OPCML: variants seen among roughly 807,000 people sequenced by gnomAD.
OPCML encodes opioid binding protein/cell adhesion molecule like, also known as opioid-binding protein/cell adhesion molecule.
In OPCML, 13 loss-of-function variants were observed where a neutral mutation model predicts 37.8. The ratio of observed to expected loss-of-function variants is 0.34; its 90% confidence interval spans 0.22 to 0.55. The LOEUF (loss-of-function observed/expected upper bound fraction) is 0.55. Ranked by LOEUF, OPCML falls within the 20% of genes least tolerant of loss-of-function variation. The probability of loss-of-function intolerance (pLI) is 0.91; values close to 1 mark genes in which losing one functional copy is unlikely to be tolerated. For missense variants in OPCML, 341 were observed against 435.6 expected (o/e 0.78, Z 1.93); for synonymous variants, 176 against 168.8 (o/e 1.04, Z -0.33).
intron 1 of OPCML, among the ~76,000 whole-genome samples, chr11:133,180,513 G>T (rs1937772878): frequency 6.6e-6 from 1 of 152,160 alleles, no homozygotes; most frequent in Admixed American, 6.5e-5. Context: ...AGAGGGGCAA[G>T]AGGATCTGCA....
intron 1 of OPCML, among the ~76,000 whole-genome samples, chr11:133,213,966 T>A (rs1281295465): frequency 3.3e-5 from 5 of 152,186 alleles, no homozygotes; most frequent in Non-Finnish European, 4.4e-5. Context: ...TGATTTTGAT[T>A]TTTAGATCAT....
intron 1 of OPCML, among the ~76,000 whole-genome samples, chr11:133,276,820 C>T (rs1942008592): frequency 6.6e-6 from 1 of 152,136 alleles, no homozygotes; most frequent in Non-Finnish European, 1.5e-5. Context: ...TCCAACCCTT[C>T]CCCAACGACT....
chr11:133,471,328 C>A (rs916744314), intron 1 of OPCML, among the ~76,000 whole-genome samples: 38 of 152,176 alleles, frequency 2.5e-4, no homozygotes, highest in Middle Eastern at 3.4e-3. Context: ...AGTGAAGAAG[C>A]CTTTATATAC....
intron 1 of OPCML, among the ~76,000 whole-genome samples, chr11:133,303,726 TA>T (rs1379733681): frequency 6.6e-6 from 1 of 151,916 alleles, no homozygotes; most frequent in African/African-American, 2.4e-5. Context: ...CACAAATTAA[TA>T]ATGAGAGAGC....
intron 1 of OPCML, among the ~76,000 whole-genome samples, chr11:133,192,776 G>C (rs758968336): frequency 6.6e-6 from 1 of 152,152 alleles, no homozygotes; most frequent in South Asian, 2.1e-4. Flanking sequence ...CTGTGCAAAA[G>C]GCTAAATTCA....
chr11:132,533,404 G>T (rs949269380), intron 3 of OPCML, among the ~76,000 whole-genome samples: 7 of 152,166 alleles, frequency 4.6e-5, no homozygotes, highest in Non-Finnish European at 5.9e-5. Context: ...CAGAGGTTGG[G>T]TAAGTAGGTG....
intron 1 of OPCML, among the ~76,000 whole-genome samples, chr11:133,196,903 C>T (rs1174277486): frequency 3.3e-5 from 5 of 152,150 alleles, no homozygotes; most frequent in African/African-American, 4.8e-5. Context: ...TGGAAGCAGG[C>T]GCAATTCTGT....
At chr11:133,104,888 T>C (rs868458402) in intron 1 of OPCML, among the ~76,000 whole-genome samples, 70 of 145,044 alleles carry the variant, frequency 4.8e-4, no homozygotes, top group African/African-American at 1.9e-3. Context: ...TCAAAAACTG[T>C]AGGAATAATT....
At chr11:132,622,883 T>C (rs1939506612) in intron 3 of OPCML, among the ~76,000 whole-genome samples, 1 of 152,274 alleles carries the variant, frequency 6.6e-6, no homozygotes, top group Non-Finnish European at 1.5e-5. Flanking sequence ...ATCAGAAACC[T>C]GGGTTTGATA....
At chr11:132,512,967 A>G (rs1393698544) in intron 4 of OPCML, among the ~76,000 whole-genome samples, 5 of 152,032 alleles carry the variant, frequency 3.3e-5, no homozygotes, top group Admixed American at 1.3e-4. Context: ...GGTAATTTAA[A>G]TTATGACCGC....
chr11:132,761,327 T>C (rs189944466), intron 2 of OPCML, among the ~76,000 whole-genome samples: 4 of 152,044 alleles, frequency 2.6e-5, no homozygotes, highest in Non-Finnish European at 4.4e-5. Context: ...GTGTTCTCTG[T>C]ATTTCCTTAA....
chr11:132,550,831 A>G (rs2096379932), intron 3 of OPCML, among the ~76,000 whole-genome samples: 2 of 152,204 alleles, frequency 1.3e-5, no homozygotes, highest in African/African-American at 2.4e-5. Context: ...ATTATGCCAT[A>G]ATATGTGCAT....
rs139751060 is a variant in OPCML at position 133,336,446 on chromosome 11, T to G, written c.61+195818A>C. ...GGACCAGACAAATCTAGGTTAAAGT[T>G]TGTATATTGAATAAGTGTATTGCCA... On this transcript the variant is annotated intron_variant, in intron 1 of 7. Transcript: ENST00000524381. Among the ~76,000 whole-genome samples, 626 of 152,292 alleles carry G rather than the reference T, an allele frequency of 4.1e-3. 4 individuals are homozygous for G. Among genetic ancestry groups the G allele is most frequent in the African/African-American group, 0.014 (598 of 41,556 alleles).
intron 1 of OPCML, among the ~76,000 whole-genome samples, chr11:133,104,147 C>A (rs183153611): frequency 4.5e-4 from 69 of 152,328 alleles, no homozygotes; most frequent in African/African-American, 1.7e-3. Flanking sequence ...CAGGTGAGAG[C>A]GCATGGATGG....
At chr11:132,770,351 G>T (rs1591585342) in intron 2 of OPCML, among the ~76,000 whole-genome samples, 1 of 152,050 alleles carries the variant, frequency 6.6e-6, no homozygotes, top group South Asian at 2.1e-4. Context: ...TGGAGCAATT[G>T]TCTCCAGAAT....
rs146398898 is a variant in OPCML at position 133,074,227 on chromosome 11, C to A, written c.62-131217G>T. ...ATAATCTTTTATTTTTCTAAAACCA[C>A]CATGTAAAAGGGCTACTTTTCTTCC... On this transcript the variant is annotated intron_variant, in intron 1 of 7. Transcript: ENST00000524381. Among the ~76,000 whole-genome samples, 9 of 152,282 alleles carry A rather than the reference C, an allele frequency of 5.9e-5. No individual in the cohort carries two copies. In the East Asian group the frequency reaches 1.7e-3, roughly 29 times the overall value.
chr11:132,650,958 T>C (rs1183954812), intron 3 of OPCML, among the ~76,000 whole-genome samples: 1 of 151,988 alleles, frequency 6.6e-6, no homozygotes, highest in Non-Finnish European at 1.5e-5. Context: ...GAGGAGAAAA[T>C]AGCCTAAAAA....
rs547733802 is a variant in OPCML at position 133,087,148 on chromosome 11, T to C, written c.62-144138A>G. On this transcript the variant is annotated intron_variant, in intron 1 of 7. Transcript: ENST00000524381. ...GACTGAATGAAGGTCACGCTGCTGG[T>C]TAGTGAGAGCTGAGGCTAGGACTGA... Among the ~76,000 whole-genome samples the C allele has an allele frequency of 3.3e-5, 5 of 152,316 alleles. No individual in the cohort carries two copies. In the East Asian group the frequency reaches 9.6e-4, roughly 29 times the overall value.
At chr11:132,659,011 T>C (rs899388965) in intron 2 of OPCML, among the ~76,000 whole-genome samples, 1 of 152,210 alleles carries the variant, frequency 6.6e-6, no homozygotes, top group Non-Finnish European at 1.5e-5. Context: ...CTGCATACTT[T>C]CTAGGTAAGC....
Sources: allele counts gnomAD v4.1 joint callset (sites outside exome capture counted in the v4.1 genomes callset), GRCh38; gene constraint gnomAD v4.1.1; transcripts MANE v1.5; gene names NCBI Gene and HGNC (gene_info 2026-07-23, HGNC 2026-07-21).